CCDC171: variants seen among roughly 807,000 people sequenced by gnomAD.
CCDC171 encodes the protein coiled-coil domain containing 171.
CCDC171 carries 177 observed loss-of-function variants against 168.2 expected under a neutral mutation model. The ratio of observed to expected loss-of-function variants is 1.05; its 90% CI spans 0.93 to 1.19. CCDC171 has a LOEUF of 1.19. CCDC171 is among the 50% of genes most tolerant of loss of function. CCDC171 has a pLI of 0.00. For missense variants in CCDC171, 1,991 were observed against 1,539.0 expected (o/e 1.29, Z -4.91); for synonymous variants, 687 against 540.8 (o/e 1.27, Z -3.75).
chr9:15,566,918 G>A (rs929250848), intron 2 of CCDC171, among the ~76,000 whole-genome samples: 2 of 152,020 alleles, frequency 1.3e-5, no homozygotes, highest in Non-Finnish European at 2.9e-5. Context: ...GTTGATAAGA[G>A]TAACATTTCC....
intron 11 of CCDC171, among the ~76,000 whole-genome samples, chr9:15,717,118 C>T (rs958184596): frequency 2.6e-5 from 4 of 152,182 alleles, no homozygotes; most frequent in Non-Finnish European, 4.4e-5. Flanking sequence ...GAATTGCTGA[C>T]ACCACCACTC....
At chr9:15,906,621 G>A (rs1204080318) in intron 24 of CCDC171, among the ~76,000 whole-genome samples, 1 of 152,198 alleles carries the variant, frequency 6.6e-6, no homozygotes, top group Non-Finnish European at 1.5e-5. Context: ...CCAAGACAGG[G>A]ATGCCCTCTC....
chr9:15,676,399 A>G (rs544519640), intron 9 of CCDC171, among the ~76,000 whole-genome samples: 10 of 151,844 alleles, frequency 6.6e-5, no homozygotes, highest in African/African-American at 2.4e-4. Flanking sequence ...CTCATTCTCC[A>G]TCCGGTTTTG....
chr9:16,073,710 A>T, the CCDC171 span, among the ~76,000 whole-genome samples: 1 of 152,186 alleles, frequency 6.6e-6, no homozygotes. Flanking sequence ...CTGGCAGCTG[A>T]TTTGAGAGAG....
At chr9:16,010,999 G>A (rs548255487) in intron 3 of CCDC171, among the ~76,000 whole-genome samples, 1 of 152,258 alleles carries the variant, frequency 6.6e-6, no homozygotes, top group African/African-American at 2.4e-5. Context: ...GATTTATTCA[G>A]TTAAAAGACA....
At chr9:15,726,270 A>G (rs2053794642) in intron 14 of CCDC171, among the ~76,000 whole-genome samples, 1 of 152,174 alleles carries the variant, frequency 6.6e-6, no homozygotes, top group African/African-American at 2.4e-5. Flanking sequence ...GGTTGGGTTC[A>G]ACATGTGTGA....
intron 24 of CCDC171, among the ~76,000 whole-genome samples, chr9:15,876,908 G>A (rs912486681): frequency 6.6e-6 from 1 of 152,090 alleles, no homozygotes; most frequent in African/African-American, 2.4e-5. Context: ...GGGTGTGGTG[G>A]TATATGAACC....
intron 1 of CCDC171, among the ~76,000 whole-genome samples, chr9:16,046,516 GAC>G (rs1564133985): frequency 6.6e-6 from 1 of 152,196 alleles, no homozygotes; most frequent in East Asian, 1.9e-4. Flanking sequence ...CTTGACATTT[GAC>G]ACAGTGATAT....
the CCDC171 span, among the ~76,000 whole-genome samples, chr9:16,073,458 T>C: frequency 6.6e-6 from 1 of 152,364 alleles, no homozygotes; most frequent in African/African-American, 2.4e-5. Flanking sequence ...TCTTCTCTTA[T>C]CTCTCTTAAT....
At chr9:15,773,248 A>G (rs1446475228) in intron 18 of CCDC171, among the ~76,000 whole-genome samples, 1 of 152,170 alleles carries the variant, frequency 6.6e-6, no homozygotes, top group Non-Finnish European at 1.5e-5. Context: ...TACTCACAAT[A>G]TCATTATTAT....
chr9:15,702,843 CT>C (rs2051866709), intron 11 of CCDC171, among the ~76,000 whole-genome samples: 1 of 151,738 alleles, frequency 6.6e-6, no homozygotes, highest in Non-Finnish European at 1.5e-5. Flanking sequence ...TTCACCTTTT[CT>C]TCTGCAGCTT....
chr9:15,644,552 C>T (rs1051335493), intron 7 of CCDC171, among the ~76,000 whole-genome samples: 3 of 152,196 alleles, frequency 2.0e-5, no homozygotes, highest in African/African-American at 4.8e-5. Context: ...CCTAATACTG[C>T]ACTTTTCCAG....
intron 21 of CCDC171, among the ~76,000 whole-genome samples, chr9:15,822,503 C>T (rs1425394671): frequency 6.6e-6 from 1 of 152,010 alleles, no homozygotes; most frequent in Non-Finnish European, 1.5e-5. Flanking sequence ...AAACAAACAC[C>T]CACATGAACA....
intron 25 of CCDC171, among the ~76,000 whole-genome samples, chr9:15,947,471 G>A (rs569428255): frequency 1.1e-3 from 166 of 151,928 alleles, no homozygotes; most frequent in African/African-American, 3.8e-3. Context: ...TTCGTGCATG[G>A]CCTATTTCAC....
At chr9:15,826,606 G>A (rs2060022471) in intron 21 of CCDC171, among the ~76,000 whole-genome samples, 1 of 152,150 alleles carries the variant, frequency 6.6e-6, no homozygotes, top group African/African-American at 2.4e-5. Flanking sequence ...GGGTCACATC[G>A]TGAACTAGGG....
At position 15,797,262 on chromosome 9, in the gene CCDC171, G is replaced by A. The variant is rs530562401; in HGVS notation, c.3267+12568G>A. ...GACAAGGTCTCCCTTTGTCACTCAG[G>A]CTGGAGTGCAGTGGCGCTATCATGG... On this transcript the variant is annotated intron_variant, in intron 21 of 25. Coordinates refer to ENST00000380701, the MANE Select transcript of CCDC171 (RefSeq NM_173550.4). 5.5e-4 allele frequency among the ~76,000 whole-genome samples: 83 copies of A among 152,214 alleles called. No individual in the cohort carries two copies. The South Asian group carries it at 0.016, about 29-fold the overall frequency.
At chr9:15,688,963 T>C (rs927339590) in intron 10 of CCDC171, among the ~76,000 whole-genome samples, 3 of 152,182 alleles carry the variant, frequency 2.0e-5, no homozygotes, top group Admixed American at 2.0e-4. Context: ...TCCTAAGGAA[T>C]CCACACATGC....
Position 15,983,842 on chromosome 9 carries a change from G to GTT in CCDC171, n.369-36746_369-36745insTT, listed in dbSNP as rs1333353035. Among the ~76,000 whole-genome samples, 13 of 151,504 alleles carry GTT rather than the reference G, an allele frequency of 8.6e-5. No individual in the cohort carries two copies. The East Asian group carries it at 2.5e-3, about 29-fold the overall frequency. On this transcript the variant is annotated intron_variant and non_coding_transcript_variant, in intron 3 of 9. Coordinates refer to the CCDC171 transcript ENST00000486641. Reference sequence around the variant, plus strand: ...AGTGTGTGTGTGTGTGTGTGTGTGTGTGTGTGTGTGTGTGTTGGCATTTGG... The same window carrying GTT: ...AGTGTGTGTGTGTGTGTGTGTGTGTGTTTGTGTGTGTGTGTGTTGGCATTTGG...
At chr9:15,742,844 A>G (rs1208149864) in intron 16 of CCDC171, among the ~76,000 whole-genome samples, 1 of 151,850 alleles carries the variant, frequency 6.6e-6, no homozygotes, top group African/African-American at 2.4e-5. Context: ...TTGCACTGTC[A>G]CCTAGGCTGG....
Sources: allele counts gnomAD v4.1 joint callset (sites outside exome capture counted in the v4.1 genomes callset), GRCh38; gene constraint gnomAD v4.1.1; transcripts MANE v1.5; gene names NCBI Gene and HGNC (gene_info 2026-07-23, HGNC 2026-07-21).